Variants in EEF2 observed in about 807,000 individuals in gnomAD.
EEF2 encodes eukaryotic translation elongation factor 2.
In EEF2, 21 loss-of-function variants were observed where a neutral mutation model predicts 85.3. That is an observed-to-expected ratio of 0.25 (90% CI 0.17 to 0.35). EEF2 has a LOEUF of 0.35. EEF2 is among the 10% of genes least tolerant of loss of function. The pLI is 1.00. For synonymous variants in EEF2, 723 were observed against 508.8 expected (o/e 1.42, Z -5.67); for missense variants, 825 against 1,225.3 (o/e 0.67, Z 4.88).
chr19:3,976,285 G>A lies in EEF2; in HGVS notation c.*269C>T, dbSNP rs1337681101. The stretch of plus-strand genomic sequence containing the variant: ...CCTCTGAAGAAATGGAAAAAGTGTT[G>A]GGTGTCCCATCCCGCCTCCCCCTCC... On this transcript the variant is annotated 3_prime_UTR_variant, in exon 15 of 15. Transcript: ENST00000309311. The A allele has an allele frequency of 9.1e-6, 4 of 438,100 alleles. No individual in the cohort carries two copies. Among genetic ancestry groups the A allele is most frequent in the African/African-American group, 4.1e-5 (2 of 48,314 alleles). 27.1% of individuals were successfully genotyped at this position (438,100 alleles called of 1,614,324 possible).
chr19:3,981,101 G>A, intron 7 of EEF2, 122 bp from the exon 8 acceptor site: 1 of 1,435,598 alleles, frequency 7.0e-7, no homozygotes, highest in South Asian at 1.4e-5. Flanking sequence ...CCAAAGCACA[G>A]TCCCTTCTGG....
At position 3,980,537 on chromosome 19, in the gene EEF2, G is replaced by C; in HGVS notation, c.1323C>G (p.Asp441Glu). Residue 441 changes from aspartate to glutamate, a missense_variant, in exon 9 of 15, where the codon GAC (aspartate) becomes GAG (glutamate). Physicochemically the swap from Asp to Glu is conservative, Grantham distance 45. Transcript: ENST00000309311. ...ACCTCTGGATTGGCTTCAGGTAGAG[G>C]TCCTCCTTCTTCCCAGGGGTATAGT... ...GPNYTPGKKEDLYLKPIQRTI... is the reference protein window; with the variant it reads ...GPNYTPGKKEELYLKPIQRTI... 6.2e-7 allele frequency: 1 copy of C among 1,614,020 alleles called. No individual in the cohort carries two copies. Among genetic ancestry groups the C allele is most frequent in the Non-Finnish European group, 8.5e-7 (1 of 1,179,922 alleles).
chr19:3,980,148 T>G, intron 9 of EEF2, 82 bp from the exon 10 acceptor site: 1 of 1,532,028 alleles, frequency 6.5e-7, no homozygotes, highest in Non-Finnish European at 8.8e-7. Flanking sequence ...CCTCCCGGAG[T>G]TGGTGGCCCT....
chr19:3,982,498 G>T (rs1222670759), intron 4 of EEF2, 74 bp from the exon 5 acceptor site: 2 of 1,577,630 alleles, frequency 1.3e-6, no homozygotes, highest in Non-Finnish European at 1.7e-6. Flanking sequence ...TGGGCGCCTT[G>T]GGCATGGGCC....
At position 3,982,804 on chromosome 19, in the gene EEF2, T is replaced by C. The variant is rs113413872; in HGVS notation, c.612+3A>G. The C allele has an allele frequency of 6.2e-7, 1 of 1,608,776 alleles. No homozygotes were observed. The highest frequency in any genetic ancestry group is 8.5e-7 in the Non-Finnish European group (1 of 1,178,484). On this transcript the variant is annotated splice_donor_region_variant and intron_variant, in intron 4 of 14. Coordinates refer to ENST00000309311, the MANE Select transcript of EEF2 (RefSeq NM_001961.4). ...CCCACCACCCAGCTAGGGAGGGCCG[T>C]ACCATGATGTTGCCCATGGGGCCGC...
At chr19:3,982,470 G>A (rs763068323) in intron 4 of EEF2, 46 bp from the exon 5 acceptor site, 1 of 1,611,864 alleles carries the variant, frequency 6.2e-7, no homozygotes, top group Non-Finnish European at 8.5e-7. Flanking sequence ...CCCCTGCGCA[G>A]AGCCTGAAGC....
chr19:3,983,545 T>C (rs1302828829), intron 2 of EEF2, among the ~76,000 whole-genome samples: 2 of 151,942 alleles, frequency 1.3e-5, no homozygotes, highest in East Asian at 3.9e-4. Context: ...ACCGACTTGG[T>C]CCCAAGATTC....
At chr19:3,980,737 T>C in intron 8 of EEF2, 28 bp from the exon 9 acceptor site, 1 of 1,608,584 alleles carries the variant, frequency 6.2e-7, no homozygotes, top group Non-Finnish European at 8.5e-7. Flanking sequence ...CCCGCAAGCT[T>C]TATTCCAGTG....
intron 7 of EEF2, among the ~76,000 whole-genome samples, 175 bp from the exon 8 acceptor site, chr19:3,981,154 C>T (rs1390198586): frequency 6.6e-6 from 1 of 152,258 alleles, no homozygotes; most frequent in African/African-American, 2.4e-5. Context: ...GGCCCTCACC[C>T]ACACCTGTCC....
chr19:3,980,945 G>C lies in EEF2; in HGVS notation c.1046C>G (p.Ala349Gly), dbSNP rs2039738209. The C allele has an allele frequency of 2.5e-6, 4 of 1,573,816 alleles. No homozygotes were observed. The highest frequency in any genetic ancestry group is 2.6e-6 in the Non-Finnish European group (3 of 1,160,656). Residue 349 changes from alanine (A) to glycine (G), a missense_variant, in exon 8 of 15, where the codon GCC (alanine) becomes GGC (glycine). Physicochemically the swap from Ala to Gly is moderately conservative, Grantham distance 60. Transcript: ENST00000309311. Reference protein sequence around the residue: ...VMRRWLPAGDALLQMITIHLP... With the variant: ...VMRRWLPAGDGLLQMITIHLP... ...GTGGATGGTGATCATCTGCAACAAG[G>C]CGTCTCCGGCAGGCAGCCAGCGGCG... is the stretch of plus-strand genomic sequence containing the variant.
rs563948168 is a variant in EEF2 at position 3,984,359 on chromosome 19, G to A, written c.4-9C>T. On this transcript the variant is annotated splice_polypyrimidine_tract_variant and intron_variant, in intron 1 of 14. Transcript: ENST00000309311. ...TCTACCGTGAAGTTCACCTGGGCAA[G>A]ACAAGGAGGCTCAGACCAGCTCGTG... 31 of 1,613,448 alleles carry A rather than the reference G, an allele frequency of 1.9e-5. No individual in the cohort carries two copies. The highest frequency in any genetic ancestry group is 1.7e-4 in the Middle Eastern group (1 of 6,060).
In EEF2 at chr19:3,980,972, A is replaced by G; in HGVS notation, c.1019T>C (p.Met340Thr). The G allele has an allele frequency of 1.3e-6, 2 of 1,572,770 alleles. No individual in the cohort carries two copies. Among genetic ancestry groups the G allele is most frequent in the Non-Finnish European group, 1.7e-6 (2 of 1,160,458 alleles). The change falls in exon 8 of 15, where the codon ATG (methionine) becomes ACG (threonine). Residue 340 changes from methionine (M) to threonine (T), a missense_variant. Coordinates refer to ENST00000309311, the MANE Select transcript of EEF2 (RefSeq NM_001961.4). ...KEGKPLLKAV[M>T]RRWLPAGDAL... is the part of the protein sequence containing the mutation. ...GTCTCCGGCAGGCAGCCAGCGGCGC[A>G]TCACAGCCTGCGGGGGCAGAGAGCG...
At chr19:3,984,950 G>A (rs1306369402) in intron 1 of EEF2, 1 of 203,058 alleles carries the variant, frequency 4.9e-6, no homozygotes, top group Non-Finnish European at 9.7e-6. Flanking sequence ...AGGAAAAGGG[G>A]AGCCTTTCAG....
intron 11 of EEF2, 51 bp from the exon 12 acceptor site, chr19:3,978,223 A>C: frequency 7.1e-7 from 1 of 1,404,672 alleles, no homozygotes; most frequent in Middle Eastern, 1.8e-4. Flanking sequence ...AGGTGACCTT[A>C]CACACAGACG....
chr19:3,978,632 C>T (rs1004771902), intron 11 of EEF2, among the ~76,000 whole-genome samples: 4 of 146,806 alleles, frequency 2.7e-5, no homozygotes, highest in African/African-American at 1.0e-4. Context: ...GGTGAAACCC[C>T]GTCTCTACTA....
chr19:3,977,900 G>C lies in EEF2; in HGVS notation c.1986C>G (p.Leu662=). The change falls in exon 12 of 15, where the codon CTC becomes CTG. Residue 662 remains leucine, a synonymous_variant. Coordinates refer to ENST00000309311, the MANE Select transcript of EEF2 (RefSeq NM_001961.4). This position sits in a 1 kb window ranked among gnomAD's most constrained non-coding sequence, Gnocchi z 5.4. The part of the protein sequence containing the change: ...FGPDGTGPNI[L]TDITKGVQYL... Reference sequence around the variant, plus strand: ...ACTGCACACCCTTGGTGATGTCGGTGAGGATGTTGGGGCCGGTGCCGTCGG... The same window carrying C: ...ACTGCACACCCTTGGTGATGTCGGTCAGGATGTTGGGGCCGGTGCCGTCGG... 6.2e-7 allele frequency: 1 copy of C among 1,613,730 alleles called. No individual in the cohort carries two copies. The highest frequency in any genetic ancestry group is 8.5e-7 in the Non-Finnish European group (1 of 1,179,974).
chr19:3,978,732 A>G (rs936889528), intron 11 of EEF2, among the ~76,000 whole-genome samples: 3 of 143,432 alleles, frequency 2.1e-5, no homozygotes, highest in African/African-American at 7.6e-5. Context: ...GAACCTGGGA[A>G]GCAGAGCTTG....
rs772061608 is a variant in EEF2 at position 3,979,997 on chromosome 19, G to A, written c.1416C>T (p.Leu472=). The A allele has an allele frequency of 5.0e-6, 8 of 1,613,734 alleles. No homozygotes were observed. Among genetic ancestry groups the A allele is most frequent in the South Asian group, 1.1e-5 (1 of 91,094 alleles). ...EDVPCGNIVG[L]VGVDQFLVKT... The stretch of plus-strand genomic sequence containing the variant: ...TCACCAGGAACTGGTCCACGCCCAC[G>A]AGGCCCACAATGTTCCCACAAGGCA... The change falls in exon 10 of 15, where the codon CTC becomes CTT. Residue 472 remains leucine (L), a synonymous_variant. Coordinates refer to ENST00000309311, the MANE Select transcript of EEF2 (RefSeq NM_001961.4).
chr19:3,978,242 A>G, intron 11 of EEF2, 70 bp from the exon 12 acceptor site: 2 of 1,352,558 alleles, frequency 1.5e-6, no homozygotes, highest in South Asian at 3.4e-5. Context: ...CGCATCCTTA[A>G]AAGCTTTTCC....
Sources: gnomAD v4.1 joint callset for allele counts (sites outside exome capture counted in the v4.1 genomes callset) on GRCh38, gnomAD v4.1.1 for gene constraint, Gnocchi (gnomAD v3.1) non-coding constraint, MANE v1.5 for transcripts, NCBI Gene and HGNC (gene_info 2026-07-23, HGNC 2026-07-21) for gene names.